The following CLNK variants were observed in gnomAD, a reference collection of about 807,000 sequenced individuals.
The protein encoded by CLNK is cytokine dependent hematopoietic cell linker, also known as cytokine-dependent hematopoietic cell linker.
In CLNK, 74 loss-of-function variants were observed where a neutral mutation model predicts 68.6. The ratio of observed to expected loss-of-function variants is 1.08; its 90% CI spans 0.89 to 1.31. The LOEUF (loss-of-function observed/expected upper bound fraction) is 1.31. Among genes scored for constraint, CLNK ranks in the 50% most tolerant of loss-of-function variants. CLNK has a pLI of 0.00. For missense variants in CLNK, 553 were observed against 515.3 expected (o/e 1.07, Z -0.71); for synonymous variants, 198 against 172.2 (o/e 1.15, Z -1.17).
At chr4:10,601,779 C>G (rs1235299541) in intron 2 of CLNK, among the ~76,000 whole-genome samples, 1 of 152,182 alleles carries the variant, frequency 6.6e-6, no homozygotes, top group Non-Finnish European at 1.5e-5. Flanking sequence ...TCCACTCAGC[C>G]CATCCCACCC....
At chr4:10,669,049 C>T (rs756768686) in intron 1 of CLNK, among the ~76,000 whole-genome samples, 8 of 152,258 alleles carry the variant, frequency 5.3e-5, no homozygotes, top group Admixed American at 2.0e-4. Context: ...GTCCAGAGGA[C>T]CCAGAAATTT....
chr4:10,526,129 T>A (rs1276970573), intron 13 of CLNK, among the ~76,000 whole-genome samples: 2 of 152,112 alleles, frequency 1.3e-5, no homozygotes, highest in Admixed American at 1.3e-4. Flanking sequence ...GTTATAAAAA[T>A]CACTTTTAAT....
chr4:10,553,052 G>GA (rs769711429), intron 8 of CLNK, among the ~76,000 whole-genome samples: 2 of 66,950 alleles, frequency 3.0e-5, no homozygotes, highest in Admixed American at 3.5e-4. Flanking sequence ...AGGAAGAGGA[G>GA]GGGGGGGCAT....
At position 10,637,093 on chromosome 4, in the gene CLNK, G is replaced by A. The variant is rs1384973144; in HGVS notation, c.11+30766C>T. The stretch of plus-strand genomic sequence containing the variant: ...GGCTGCTAAGAAGGACACGAGAAGA[G>A]CAAATAAACATGTTTCTATCATTTT... On this transcript the variant is annotated intron_variant, in intron 2 of 18. Transcript: ENST00000226951. Among the ~76,000 whole-genome samples the A allele has an allele frequency of 2.0e-5, 3 of 152,168 alleles. No homozygotes were observed. The East Asian group carries it at 5.8e-4, about 29-fold the overall frequency.
intron 3 of CLNK, among the ~76,000 whole-genome samples, chr4:10,586,300 A>G (rs904416127): frequency 6.8e-6 from 1 of 146,182 alleles, no homozygotes; most frequent in Non-Finnish European, 1.5e-5. Context: ...TGTATTTATC[A>G]TTTTAAACCT....
chr4:10,538,617 A>G (rs1718892710), intron 11 of CLNK, among the ~76,000 whole-genome samples: 1 of 152,180 alleles, frequency 6.6e-6, no homozygotes, highest in Admixed American at 6.5e-5. Flanking sequence ...CTCTTTGAAA[A>G]TGGAAATCAA....
intron 4 of CLNK, among the ~76,000 whole-genome samples, chr4:10,579,261 G>T (rs988355838): frequency 6.6e-6 from 1 of 152,194 alleles, no homozygotes; most frequent in Non-Finnish European, 1.5e-5. Context: ...ATCTATATCT[G>T]TGGGGAAAGG....
At chr4:10,730,806 T>G in the CLNK span, among the ~76,000 whole-genome samples, 2 of 152,130 alleles carry the variant, frequency 1.3e-5, no homozygotes, top group African/African-American at 4.8e-5. Context: ...GTATGAGGGT[T>G]TTTTTTAACC....
the CLNK span, among the ~76,000 whole-genome samples, chr4:10,731,793 T>C: frequency 6.6e-6 from 1 of 152,210 alleles, no homozygotes; most frequent in African/African-American, 2.4e-5. Flanking sequence ...AAAGTGTAAC[T>C]ACAAAAAGAG....
At chr4:10,662,425 T>G (rs1724231073) in intron 2 of CLNK, among the ~76,000 whole-genome samples, 2 of 152,228 alleles carry the variant, frequency 1.3e-5, no homozygotes, top group Non-Finnish European at 2.9e-5. Context: ...TTAAACACGC[T>G]AATATTTCTG....
intron 15 of CLNK, among the ~76,000 whole-genome samples, chr4:10,517,950 C>G (rs1418446051): frequency 6.6e-6 from 1 of 151,942 alleles, no homozygotes; most frequent in Non-Finnish European, 1.5e-5. Context: ...CTATGTAACT[C>G]ACTATAAGTA....
At chr4:10,730,146 G>T in the CLNK span, among the ~76,000 whole-genome samples, 1 of 152,124 alleles carries the variant, frequency 6.6e-6, no homozygotes, top group Non-Finnish European at 1.5e-5. Flanking sequence ...GAGTGTTTCT[G>T]GGCACCTACC....
At chr4:10,668,793 T>C (rs1724513282) in intron 1 of CLNK, among the ~76,000 whole-genome samples, 2 of 152,082 alleles carry the variant, frequency 1.3e-5, no homozygotes, top group African/African-American at 2.4e-5. Flanking sequence ...GGGAGCTGTG[T>C]TGGGTGGAAT....
chr4:10,692,607 A>G, the CLNK span, among the ~76,000 whole-genome samples: 48 of 152,362 alleles, frequency 3.2e-4, no homozygotes, highest in African/African-American at 1.1e-3. Flanking sequence ...GGAGGAAAGA[A>G]TTCTAAGGCA....
At chr4:10,530,016 C>T (rs1349043808) in intron 12 of CLNK, among the ~76,000 whole-genome samples, 1 of 151,998 alleles carries the variant, frequency 6.6e-6, no homozygotes, top group Non-Finnish European at 1.5e-5. Flanking sequence ...TTCCTCCCTC[C>T]TTCCCTTTTC....
the CLNK span, among the ~76,000 whole-genome samples, chr4:10,714,943 G>A: frequency 6.6e-6 from 1 of 151,794 alleles, no homozygotes; most frequent in Non-Finnish European, 1.5e-5. Flanking sequence ...ATGTATTTAT[G>A]TACCTTAAGT....
At chr4:10,594,981 C>T (rs901320864) in intron 3 of CLNK, among the ~76,000 whole-genome samples, 2 of 152,144 alleles carry the variant, frequency 1.3e-5, no homozygotes, top group Non-Finnish European at 2.9e-5. Flanking sequence ...GTAATCCCAG[C>T]TACTGGCTGG....
chr4:10,585,062 C>T, intron 3 of CLNK, 107 bp from the exon 4 acceptor site: 2 of 1,104,670 alleles, frequency 1.8e-6, no homozygotes, highest in Non-Finnish European at 2.7e-6. Flanking sequence ...AAGTCAGCCT[C>T]TGAAGCTGCT....
chr4:10,642,247 T>C (rs1723335018), intron 2 of CLNK, among the ~76,000 whole-genome samples: 1 of 152,224 alleles, frequency 6.6e-6, no homozygotes, highest in Non-Finnish European at 1.5e-5. Context: ...CAGTTCCACC[T>C]GCCACATGTC....
Sources: gnomAD v4.1 joint callset for allele counts (sites outside exome capture counted in the v4.1 genomes callset) on GRCh38, gnomAD v4.1.1 for gene constraint, MANE v1.5 for transcripts, NCBI Gene and HGNC (gene_info 2026-07-23, HGNC 2026-07-21) for gene names.